STAG1: variants seen among roughly 807,000 people sequenced by gnomAD.
The protein encoded by STAG1 is STAG1 cohesin complex component.
Under a neutral mutation model 170.9 loss-of-function variants are expected in STAG1, and 26 were observed. The observed-to-expected ratio is 0.15, with a 90% CI of 0.11 to 0.21. The LOEUF is 0.21. Ranked by LOEUF, STAG1 falls within the 10% of genes least tolerant of loss-of-function variation. The pLI, the probability that STAG1 is intolerant of heterozygous loss-of-function variation, is 1.00. For synonymous variants in STAG1, 514 were observed against 497.7 expected (o/e 1.03, Z -0.44); for missense variants, 964 against 1,509.5 (o/e 0.64, Z 5.99).
At chr3:136,537,508 T>TG (rs1483830768) in intron 6 of STAG1, among the ~76,000 whole-genome samples, 2 of 150,650 alleles carry the variant, frequency 1.3e-5, no homozygotes, top group Non-Finnish European at 3.0e-5. Flanking sequence ...TTTTTTTGTT[T>TG]TTTTTTTTTT....
At chr3:136,639,125 T>C (rs1432214076) in intron 1 of STAG1, among the ~76,000 whole-genome samples, 5 of 150,820 alleles carry the variant, frequency 3.3e-5, no homozygotes, top group African/African-American at 1.2e-4. Context: ...CCCATGCATA[T>C]TATAAGAAAA....
chr3:136,572,934 T>C (rs1488959245), intron 4 of STAG1, among the ~76,000 whole-genome samples: 1 of 152,184 alleles, frequency 6.6e-6, no homozygotes, highest in South Asian at 2.1e-4. Context: ...CTCAGAGCTT[T>C]GGAGGCCAAT....
At chr3:136,381,916 T>C (rs960762635) in intron 22 of STAG1, among the ~76,000 whole-genome samples, 1 of 152,184 alleles carries the variant, frequency 6.6e-6, no homozygotes, top group Non-Finnish European at 1.5e-5. Context: ...TGAGAACAGA[T>C]AGCTGTCAAC....
At chr3:136,400,553 T>TG (rs1462744818) in intron 21 of STAG1, among the ~76,000 whole-genome samples, 1 of 151,620 alleles carries the variant, frequency 6.6e-6, no homozygotes, top group African/African-American at 2.4e-5. Flanking sequence ...TTTTTTTTTT[T>TG]GAGACGAAGT....
intron 1 of STAG1, among the ~76,000 whole-genome samples, chr3:136,723,898 G>A (rs1296266164): frequency 2.0e-5 from 3 of 148,844 alleles, no homozygotes; most frequent in East Asian, 2.0e-4. Context: ...TCAGCCCCCC[G>A]CCCGGCCAGT....
chr3:136,521,486 T>A, intron 6 of STAG1, 69 bp from the exon 7 acceptor site: 1 of 1,413,256 alleles, frequency 7.1e-7, no homozygotes. Flanking sequence ...TTTTTTTTCT[T>A]CCTACCTACA....
intron 24 of STAG1, among the ~76,000 whole-genome samples, chr3:136,367,855 T>A (rs565994229): frequency 6.6e-6 from 1 of 152,246 alleles, no homozygotes; most frequent in Admixed American, 6.5e-5. Flanking sequence ...ATTTGTAAGT[T>A]CCAGACCCCA....
chr3:136,545,222 C>T (rs1313477707), intron 5 of STAG1, among the ~76,000 whole-genome samples: 1 of 151,936 alleles, frequency 6.6e-6, no homozygotes, highest in Non-Finnish European at 1.5e-5. Context: ...TTATTCTCTA[C>T]TAAAAACACA....
intron 24 of STAG1, among the ~76,000 whole-genome samples, chr3:136,367,847 T>C (rs1937138698): frequency 1.3e-5 from 2 of 152,154 alleles, no homozygotes; most frequent in South Asian, 2.1e-4. Flanking sequence ...TTCCTCAAAT[T>C]TGTAAGTTCC....
At chr3:136,370,202 G>C (rs1320765824) in intron 23 of STAG1, among the ~76,000 whole-genome samples, 1 of 152,064 alleles carries the variant, frequency 6.6e-6, no homozygotes, top group Non-Finnish European at 1.5e-5. Context: ...AGGTACTCCA[G>C]AAGAATGCAT....
At chr3:136,724,490 T>C (rs1933543649) in intron 1 of STAG1, among the ~76,000 whole-genome samples, 1 of 151,086 alleles carries the variant, frequency 6.6e-6, no homozygotes, top group Non-Finnish European at 1.5e-5. Context: ...GTCCTCTGCA[T>C]AGGAAAACCA....
chr3:136,436,609 G>C (rs2088470347), intron 15 of STAG1, among the ~76,000 whole-genome samples: 1 of 151,876 alleles, frequency 6.6e-6, no homozygotes. Flanking sequence ...AATTCGAATA[G>C]TTTAGTTCTT....
At chr3:136,720,165 A>G (rs1183323010) in intron 1 of STAG1, among the ~76,000 whole-genome samples, 1 of 150,542 alleles carries the variant, frequency 6.6e-6, no homozygotes, top group African/African-American at 2.5e-5. Context: ...AACAAGAGCG[A>G]AATTCCGTCT....
chr3:136,719,252 G>A (rs1375188012), intron 1 of STAG1, among the ~76,000 whole-genome samples: 1 of 152,078 alleles, frequency 6.6e-6, no homozygotes, highest in Non-Finnish European at 1.5e-5. Context: ...CTAAATAAAA[G>A]CCAAACATAA....
At chr3:136,705,596 G>A (rs1015519547) in intron 1 of STAG1, among the ~76,000 whole-genome samples, 10 of 152,048 alleles carry the variant, frequency 6.6e-5, no homozygotes, top group African/African-American at 2.4e-4. Context: ...TGCTGTTCTC[G>A]TGATAATGAA....
chr3:136,715,562 G>A (rs532711689), intron 1 of STAG1, among the ~76,000 whole-genome samples: 13 of 151,878 alleles, frequency 8.6e-5, no homozygotes, highest in Middle Eastern at 3.4e-3. Flanking sequence ...AGAGGTTGCA[G>A]TGAGCCGAGA....
chr3:136,692,725 A>C (rs913834609), intron 1 of STAG1, among the ~76,000 whole-genome samples: 8 of 152,320 alleles, frequency 5.3e-5, no homozygotes, highest in Middle Eastern at 3.4e-3. Flanking sequence ...TCAACCATGA[A>C]GTTTTTTTTA....
intron 3 of STAG1, among the ~76,000 whole-genome samples, chr3:136,613,940 C>T (rs756438462): frequency 6.6e-6 from 1 of 152,080 alleles, no homozygotes; most frequent in Non-Finnish European, 1.5e-5. Context: ...ACTGGCTGGG[C>T]GTCGTGGCTC....
chr3:136,429,395 G>T (rs532164655), intron 16 of STAG1, among the ~76,000 whole-genome samples: 7 of 152,200 alleles, frequency 4.6e-5, no homozygotes, highest in African/African-American at 1.7e-4. Flanking sequence ...TGACAAGAGC[G>T]AAACTCTGTC....
Sources: allele counts gnomAD v4.1 joint callset (sites outside exome capture counted in the v4.1 genomes callset), GRCh38; gene constraint gnomAD v4.1.1; transcripts MANE v1.5; gene names NCBI Gene and HGNC (gene_info 2026-07-23, HGNC 2026-07-21).